The following ATP6V1G1 variants were observed in gnomAD, a reference collection of about 807,000 sequenced individuals.
ATP6V1G1 encodes the protein V-type proton ATPase subunit G 1.
In ATP6V1G1, 14 loss-of-function variants were observed where a neutral mutation model predicts 14.2. The ratio of observed to expected loss-of-function variants is 0.99; its 90% CI spans 0.65 to 1.55. The LOEUF is 1.55. ATP6V1G1 is among the 40% of genes most tolerant of loss of function. ATP6V1G1 has a pLI of 0.00. For synonymous variants in ATP6V1G1, 65 were observed against 53.3 expected (o/e 1.22, Z -0.96); for missense variants, 137 against 146.4 (o/e 0.94, Z 0.33).
chr9:114,588,206 C>T (rs993810100), intron 1 of ATP6V1G1: 34 of 438,430 alleles, frequency 7.8e-5, no homozygotes, highest in Non-Finnish European at 1.3e-4. Context: ...GCTCTTTGTT[C>T]TTCTTCTCTC....
At chr9:114,595,653 CTT>C (rs1845230524) in intron 2 of ATP6V1G1, among the ~76,000 whole-genome samples, 1 of 152,040 alleles carries the variant, frequency 6.6e-6, no homozygotes, top group African/African-American at 2.4e-5. Flanking sequence ...GACTCCATCT[CTT>C]AAGAGAAAAT....
chr9:114,592,359 C>T (rs572739437), intron 1 of ATP6V1G1, among the ~76,000 whole-genome samples, 193 bp from the exon 2 acceptor site: 10 of 152,248 alleles, frequency 6.6e-5, no homozygotes, highest in Admixed American at 1.3e-4. Context: ...CTTGTCACTT[C>T]CTAGTTAAGT....
intron 2 of ATP6V1G1, among the ~76,000 whole-genome samples, chr9:114,594,658 C>T (rs1345628038): frequency 6.6e-6 from 1 of 152,064 alleles, no homozygotes; most frequent in Non-Finnish European, 1.5e-5. Context: ...GCTGGGATTA[C>T]AGGCGTGAGC....
At chr9:114,589,121 A>G (rs1462628353) in intron 1 of ATP6V1G1, among the ~76,000 whole-genome samples, 3 of 152,116 alleles carry the variant, frequency 2.0e-5, no homozygotes, top group Non-Finnish European at 4.4e-5. Flanking sequence ...AATTTAGGAA[A>G]CACTTCTTCC....
chr9:114,587,831 C>T lies in ATP6V1G1; in HGVS notation c.-8C>T. ...GCCGCTTGCCTTGCTCTCAGAATCG[C>T]TGCCGCCATGGCTAGTCAGTCTCAG... On this transcript the variant is annotated 5_prime_UTR_variant, in exon 1 of 3. Coordinates refer to ENST00000374050, the MANE Select transcript of ATP6V1G1 (RefSeq NM_004888.4). 6.3e-7 allele frequency: 1 copy of T among 1,583,206 alleles called. No homozygotes were observed. Among genetic ancestry groups the T allele is most frequent in the Non-Finnish European group, 8.6e-7 (1 of 1,164,688 alleles).
chr9:114,590,493 C>T (rs560549229), intron 1 of ATP6V1G1, among the ~76,000 whole-genome samples: 74 of 151,958 alleles, frequency 4.9e-4, no homozygotes, highest in African/African-American at 1.8e-3. Context: ...TTAGTAGAGA[C>T]AGTGTTTTAC....
intron 1 of ATP6V1G1, among the ~76,000 whole-genome samples, chr9:114,588,335 C>T (rs911415738): frequency 2.0e-5 from 3 of 152,058 alleles, no homozygotes; most frequent in Admixed American, 1.3e-4. Flanking sequence ...TAGTCAGTCG[C>T]CAAGGCTTGC....
intron 1 of ATP6V1G1, among the ~76,000 whole-genome samples, chr9:114,588,581 G>A (rs144288796): frequency 1.5e-3 from 221 of 151,864 alleles, no homozygotes; most frequent in African/African-American, 5.0e-3. Flanking sequence ...CAGTGCATCA[G>A]TTGTCTCCCC....
intron 1 of ATP6V1G1, among the ~76,000 whole-genome samples, chr9:114,591,488 C>T (rs1055917624): frequency 3.3e-5 from 5 of 152,082 alleles, no homozygotes; most frequent in African/African-American, 4.8e-5. Flanking sequence ...TACAGGTGGC[C>T]GAAGCAGACA....
intron 2 of ATP6V1G1, among the ~76,000 whole-genome samples, chr9:114,595,907 A>G (rs1224194434): frequency 2.0e-5 from 3 of 152,116 alleles, no homozygotes; most frequent in East Asian, 1.9e-4. Context: ...ATATATATGT[A>G]TATATAGTGA....
At chr9:114,588,425 T>C (rs1230763617) in intron 1 of ATP6V1G1, among the ~76,000 whole-genome samples, 1 of 150,566 alleles carries the variant, frequency 6.6e-6, no homozygotes, top group African/African-American at 2.4e-5. Flanking sequence ...ACTGTAGTTG[T>C]CTAAATCGTT....
At position 114,597,870 on chromosome 9, in the gene ATP6V1G1, C is replaced by T; in HGVS notation, c.*127C>T. The T allele has an allele frequency of 1.1e-6, 1 of 899,476 alleles. No homozygotes were observed. The highest frequency in any genetic ancestry group is 1.5e-6 in the Non-Finnish European group (1 of 680,674). 55.7% of individuals were successfully genotyped at this position (899,476 alleles called of 1,614,324 possible). A position where few individuals can be genotyped will look rare whatever the true frequency, so the allele number is the denominator to read the frequency against. On this transcript the variant is annotated 3_prime_UTR_variant, in exon 3 of 3. Coordinates refer to ENST00000374050, the MANE Select transcript of ATP6V1G1 (RefSeq NM_004888.4). ...ATTTCCATATATTATATAATAGGTC[C>T]TTCCACTTTTTGGAGAGTAGCAAAT...
intron 1 of ATP6V1G1, among the ~76,000 whole-genome samples, chr9:114,588,313 C>T (rs893317709): frequency 9.9e-5 from 15 of 151,942 alleles, no homozygotes; most frequent in Admixed American, 2.0e-4. Flanking sequence ...TGCCTCTTCT[C>T]CCTCCCTCAT....
rs776499978 is a variant in ATP6V1G1, at chr9:114,597,774, A to G, written c.*31A>G. The G allele has an allele frequency of 1.3e-6, 2 of 1,489,862 alleles. No individual in the cohort carries two copies. The highest frequency in any genetic ancestry group is 1.4e-5 in the African/African-American group (1 of 69,088). 92.3% of individuals were successfully genotyped at this position (1,489,862 alleles called of 1,614,324 possible). A position where few individuals can be genotyped will look rare whatever the true frequency, so the allele number is the denominator to read the frequency against. On this transcript the variant is annotated 3_prime_UTR_variant, in exon 3 of 3. Transcript: ENST00000374050. Reference sequence around the variant, plus strand: ...AGAAGCACCTGTGCTGTGGAGTGGCATTTTAGATGCCCTCACGAATATGAA... The same window carrying G: ...AGAAGCACCTGTGCTGTGGAGTGGCGTTTTAGATGCCCTCACGAATATGAA...
chr9:114,593,394 G>A (rs1378252454), intron 2 of ATP6V1G1, among the ~76,000 whole-genome samples: 1 of 152,136 alleles, frequency 6.6e-6, no homozygotes, highest in East Asian at 1.9e-4. Flanking sequence ...TCTACACTGT[G>A]GCCTCTAGTA....
intron 2 of ATP6V1G1, among the ~76,000 whole-genome samples, chr9:114,596,986 C>CTTTTTTTTTT (rs71367785): frequency 1.9e-5 from 2 of 104,584 alleles, no homozygotes; most frequent in Non-Finnish European, 3.7e-5. Context: ...ATAGCAGATT[C>CTTTTTTTTTT]TTTTTTTTTT....
In ATP6V1G1 at chr9:114,596,986, CTTTTT is replaced by C. The variant is rs71367785; in HGVS notation, c.184-566_184-562del. 5.6e-3 allele frequency among the ~76,000 whole-genome samples: 588 copies of C among 104,548 alleles called. 6 individuals carry two copies. The highest frequency in any genetic ancestry group is 0.021 in the African/African-American group (551 of 26,278). The allele number at this position is 104,548 out of a possible 152,430, so 68.6% of individuals were successfully genotyped here. A position where few individuals can be genotyped will look rare whatever the true frequency, so the allele number is the denominator to read the frequency against. ...TTTGGTTAAGGCTATATAGCAGATT[CTTTTT>C]TTTTTTTTTTTTTTTTTGAGACGGA... On this transcript the variant is annotated intron_variant, in intron 2 of 2. Coordinates refer to ENST00000374050, the MANE Select transcript of ATP6V1G1 (RefSeq NM_004888.4).
At chr9:114,588,368 T>A (rs1415886516) in intron 1 of ATP6V1G1, among the ~76,000 whole-genome samples, 4 of 152,150 alleles carry the variant, frequency 2.6e-5, no homozygotes, top group African/African-American at 9.6e-5. Flanking sequence ...TTTTCCCCCA[T>A]GTCTACTACC....
At position 114,597,768 on chromosome 9, in the gene ATP6V1G1, A is replaced by G. The variant is rs1455068961; in HGVS notation, c.*25A>G. 3 of 1,498,892 alleles carry G rather than the reference A, an allele frequency of 2.0e-6. No homozygotes were observed. Among genetic ancestry groups the G allele is most frequent in the Non-Finnish European group, 2.7e-6 (3 of 1,127,620 alleles). The allele number at this position is 1,498,892 out of a possible 1,614,324, so 92.8% of individuals were successfully genotyped here. ...GAAGAGAGAAGCACCTGTGCTGTGG[A>G]GTGGCATTTTAGATGCCCTCACGAA... is the stretch of plus-strand genomic sequence containing the variant. On this transcript the variant is annotated 3_prime_UTR_variant, in exon 3 of 3. Transcript: ENST00000374050.
Sources: gnomAD v4.1 joint callset for allele counts (sites outside exome capture counted in the v4.1 genomes callset) on GRCh38, gnomAD v4.1.1 for gene constraint, MANE v1.5 for transcripts, NCBI Gene and HGNC (gene_info 2026-07-23, HGNC 2026-07-21) for gene names.